The following ABCD4 variants were observed in gnomAD, a reference collection of about 807,000 sequenced individuals.
ABCD4 encodes the protein ATP binding cassette subfamily D member 4.
ABCD4 carries 53 observed loss-of-function variants against 86.3 expected under a neutral mutation model. That is an observed-to-expected ratio of 0.61 (90% confidence interval 0.49 to 0.77). The LOEUF (loss-of-function observed/expected upper bound fraction) is 0.77, where lower values mean the gene tolerates loss of function less well. Ranked by LOEUF, ABCD4 falls within the 30% of genes least tolerant of loss-of-function variation. ABCD4 has a pLI of 0.00. For missense variants in ABCD4, 757 were observed against 764.5 expected, an observed-to-expected ratio of 0.99 and a Z score of 0.12; for synonymous variants, 328 against 313.6, an observed-to-expected ratio of 1.05 and a Z score of -0.49.
At chr14:74,299,738 C>T (rs1309242492) in intron 2 of ABCD4, 63 bp from the exon 3 acceptor site, 2 of 1,506,112 alleles carry the variant, frequency 1.3e-6, no homozygotes, top group East Asian at 2.4e-5. Flanking sequence ...GAGGCTTCTT[C>T]CTGAGTCCCT....
intron 17 of ABCD4, among the ~76,000 whole-genome samples, chr14:74,287,221 C>T (rs2080016209): frequency 6.6e-6 from 1 of 152,132 alleles, no homozygotes; most frequent in Non-Finnish European, 1.5e-5. Context: ...TATAACCCTT[C>T]AATGTTGGCT....
At chr14:74,292,113 A>C (rs771180320) in intron 11 of ABCD4, among the ~76,000 whole-genome samples, 174 bp downstream of exon 11, 1 of 152,200 alleles carries the variant, frequency 6.6e-6, no homozygotes, top group Non-Finnish European at 1.5e-5. Flanking sequence ...TTAACACAAC[A>C]GATGCCGGAA....
chr14:74,298,273 CA>C (rs2083402251), intron 3 of ABCD4, among the ~76,000 whole-genome samples: 1 of 152,068 alleles, frequency 6.6e-6, no homozygotes, highest in Non-Finnish European at 1.5e-5. Context: ...ATTCCTTCAC[CA>C]AATTTTTTTT....
At chr14:74,302,549 G>A (rs1301466219) in intron 1 of ABCD4, among the ~76,000 whole-genome samples, 1 of 152,216 alleles carries the variant, frequency 6.6e-6, no homozygotes, top group African/African-American at 2.4e-5. Context: ...GGCCCACAGG[G>A]TGTCAAGAAC....
In ABCD4 at chr14:74,286,248, G is replaced by A. The variant is rs2079710867; in HGVS notation, c.*213C>T. 1 of 565,862 alleles carries A rather than the reference G, an allele frequency of 1.8e-6. No homozygotes were observed. Among genetic ancestry groups the A allele is most frequent in the Non-Finnish European group, 3.1e-6 (1 of 318,454 alleles). 35.1% of individuals were successfully genotyped at this position (565,862 alleles called of 1,614,324 possible). ...GCTCTGGCTGAGGCAGCAGAGTCCTGGGAGACTGAACACTGGGAGATTCAG... is the reference window on the plus strand; with the variant it reads ...GCTCTGGCTGAGGCAGCAGAGTCCTAGGAGACTGAACACTGGGAGATTCAG... On this transcript the variant is annotated 3_prime_UTR_variant, in exon 19 of 19. Transcript: ENST00000356924.
In ABCD4 at chr14:74,289,474, C is replaced by A. The variant is rs778938879; in HGVS notation, c.1456+9G>T. On this transcript the variant is annotated intron_variant, in intron 14 of 18. Transcript: ENST00000356924. ...AGGAGAGGACATGACCTAAGGAGGA[C>A]CAGCTCACCTGAGTCGGGGTAGACC... The A allele has an allele frequency of 1.7e-5, 28 of 1,613,658 alleles. No individual in the cohort carries two copies. The highest frequency in any genetic ancestry group is 8.3e-5 in the Admixed American group (5 of 59,910).
At chr14:74,295,693 TAG>T (rs1290875624) in intron 6 of ABCD4, 159 bp downstream of exon 6, 6 of 909,912 alleles carry the variant, frequency 6.6e-6, no homozygotes, top group South Asian at 3.3e-5. Context: ...ATTTCCACTT[TAG>T]AGACAAGAAC....
Position 74,295,839 on chromosome 14 carries a change from G to C in ABCD4, c.668+15C>G, listed in dbSNP as rs776073056. 2 of 1,613,190 alleles carry C rather than the reference G, an allele frequency of 1.2e-6. No individual in the cohort carries two copies. The highest frequency in any genetic ancestry group is 1.7e-6 in the Non-Finnish European group (2 of 1,179,808). On this transcript the variant is annotated intron_variant, in intron 6 of 18. Transcript: ENST00000356924. ...TTATGCCCCAGCCCAGAAACCTCAA[G>C]TGAGGGAGACACACCTAAAATCTCC...
chr14:74,289,434 G>C (rs750134721), intron 14 of ABCD4, 49 bp downstream of exon 14: 2 of 1,611,706 alleles, frequency 1.2e-6, no homozygotes, highest in Non-Finnish European at 1.7e-6. Context: ...GTAGAGCAGG[G>C]ACAACCATGA....
chr14:74,296,111 C>T (rs1233189515), intron 5 of ABCD4, 132 bp from the exon 6 acceptor site: 2 of 1,293,088 alleles, frequency 1.5e-6, no homozygotes, highest in African/African-American at 1.5e-5. Context: ...GCCCTCTGCT[C>T]CTATGTGGGG....
intron 12 of ABCD4, 63 bp downstream of exon 12, chr14:74,290,228 C>A: frequency 6.2e-7 from 1 of 1,611,714 alleles, no homozygotes; most frequent in Non-Finnish European, 8.5e-7. Context: ...CCACACCGTC[C>A]CCGCCTTCAC....
chr14:74,286,729 C>A lies in ABCD4; in HGVS notation c.1724G>T (p.Ser575Ile). The A allele has an allele frequency of 6.2e-7, 1 of 1,614,186 alleles. No individual in the cohort carries two copies. Among genetic ancestry groups the A allele is most frequent in the Non-Finnish European group, 8.5e-7 (1 of 1,180,052 alleles). The change falls in exon 18 of 19, where the codon AGT becomes ATT. Residue 575 changes from serine (S) to isoleucine (I), a missense_variant. Transcript: ENST00000356924. Reference sequence around the variant, plus strand: ...CTCAAGGCTCTGCCGATGTCCCACACTGATGAACGTCATCCCCAGCTGCTG... The same window carrying A: ...CTCAAGGCTCTGCCGATGTCCCACAATGATGAACGTCATCCCCAGCTGCTG... The part of the protein sequence containing the change: ...IGQQLGMTFI[S>I]VGHRQSLEKF...
chr14:74,298,402 G>C (rs535683428), intron 3 of ABCD4, among the ~76,000 whole-genome samples: 101 of 152,268 alleles, frequency 6.6e-4, no homozygotes, highest in African/African-American at 2.3e-3. Context: ...CTCCCGAGTA[G>C]CTGGGATTAC....
chr14:74,287,680 G>T, intron 17 of ABCD4, 130 bp downstream of exon 17: 1 of 844,060 alleles, frequency 1.2e-6, no homozygotes, highest in Non-Finnish European at 1.9e-6. Flanking sequence ...AGGGCCTGCT[G>T]TCCTCTCCAG....
In ABCD4 at chr14:74,286,477, C is replaced by T. The variant is rs1476031630; in HGVS notation, c.1805G>A (p.Arg602Lys). 1 of 1,614,244 alleles carries T rather than the reference C, an allele frequency of 6.2e-7. No homozygotes were observed. The highest frequency in any genetic ancestry group is 1.1e-5 in the South Asian group (1 of 91,078). The change falls in exon 19 of 19, where the codon AGA (arginine) becomes AAA (lysine). Residue 602 changes from arginine to lysine, a missense_variant. Coordinates refer to ENST00000356924, the MANE Select transcript of ABCD4 (RefSeq NM_005050.4). ...GCCAGAGCTTCATTCCACTTTGATTCTCATCAGCTCCCATCTTCCTCCTCC... is the reference window on the plus strand; with the variant it reads ...GCCAGAGCTTCATTCCACTTTGATTTTCATCAGCTCCCATCTTCCTCCTCC... The part of the protein sequence containing the change: ...LCGGGRWELM[R>K]IKVE
At chr14:74,299,749 G>T in intron 2 of ABCD4, 74 bp from the exon 3 acceptor site, 1 of 1,449,934 alleles carries the variant, frequency 6.9e-7, no homozygotes, top group Non-Finnish European at 9.5e-7. Context: ...CTGAGTCCCT[G>T]CCTCATCAGC....
intron 15 of ABCD4, 144 bp downstream of exon 15, chr14:74,288,572 C>A: frequency 1.1e-6 from 1 of 941,594 alleles, no homozygotes; most frequent in South Asian, 1.5e-5. Flanking sequence ...GCCAACAGCA[C>A]ACACTGTCAA....
chr14:74,289,895 A>T, intron 13 of ABCD4, 132 bp downstream of exon 13: 1 of 1,518,192 alleles, frequency 6.6e-7, no homozygotes, highest in South Asian at 1.3e-5. Context: ...AGCAGTTCCC[A>T]GGCCCGGGCC....
In ABCD4 at chr14:74,293,192, G is replaced by C; in HGVS notation, c.776C>G (p.Thr259Ser). 2 of 1,614,174 alleles carry C rather than the reference G, an allele frequency of 1.2e-6. No homozygotes were observed. Among genetic ancestry groups the C allele is most frequent in the Non-Finnish European group, 1.7e-6 (2 of 1,180,016 alleles). The stretch of plus-strand genomic sequence containing the variant: ...CTCCTTGGACATCAGCTCCCTCTGG[G>C]TCTGAAGGAGTCTCTGCAGCCTGCG... ...TDRRLQRLLQ[T>S]QRELMSKELW... Residue 259 changes from threonine (T) to serine (S), a missense_variant, in exon 8 of 19, where the codon ACC becomes AGC. Physicochemically the swap from Thr to Ser is moderately conservative, Grantham distance 58. Coordinates refer to ENST00000356924, the MANE Select transcript of ABCD4 (RefSeq NM_005050.4).
Sources: gnomAD v4.1 joint callset for allele counts (sites outside exome capture counted in the v4.1 genomes callset) on GRCh38, gnomAD v4.1.1 for gene constraint, MANE v1.5 for transcripts, NCBI Gene and HGNC (gene_info 2026-07-23, HGNC 2026-07-21) for gene names.